Variants in SVEP1 observed in about 807,000 individuals in gnomAD.
SVEP1 encodes sushi, von Willebrand factor type A, EGF and pentraxin domain containing 1, also known as sushi, von Willebrand factor type A, EGF and pentraxin domain-containing protein 1.
In SVEP1, 164 loss-of-function variants were observed where a neutral mutation model predicts 367.3. The ratio of observed to expected loss-of-function variants is 0.45; its 90% CI spans 0.39 to 0.51. The LOEUF (loss-of-function observed/expected upper bound fraction) is 0.51, where lower values mean the gene tolerates loss of function less well. Among genes scored for constraint, SVEP1 ranks in the 20% least tolerant of loss-of-function variants. SVEP1 has a pLI of 0.00. For missense variants in SVEP1, 4,117 were observed against 4,425.3 expected (o/e 0.93, Z 1.98); for synonymous variants, 1,666 against 1,611.6 (o/e 1.03, Z -0.81).
At chr9:110,381,762 C>A (rs951624686) in intron 43 of SVEP1, among the ~76,000 whole-genome samples, 1 of 151,906 alleles carries the variant, frequency 6.6e-6, no homozygotes, top group African/African-American at 2.4e-5. Flanking sequence ...TTTTCTGTCT[C>A]GATGATCTAA....
chr9:110,537,954 T>C (rs1830098975), intron 3 of SVEP1, among the ~76,000 whole-genome samples: 1 of 151,918 alleles, frequency 6.6e-6, no homozygotes, highest in African/African-American at 2.4e-5. Context: ...GAGAGTCTCT[T>C]ATAATGGGGC....
chr9:110,559,416 CAAACA>C (rs1308068354), intron 1 of SVEP1, among the ~76,000 whole-genome samples: 1 of 151,592 alleles, frequency 6.6e-6, no homozygotes, highest in Non-Finnish European at 1.5e-5. Context: ...CATTTTTGAC[CAAACA>C]AAACAAAGAC....
At chr9:110,517,614 A>AT (rs398011845) in intron 3 of SVEP1, among the ~76,000 whole-genome samples, 1 of 150,850 alleles carries the variant, frequency 6.6e-6, no homozygotes, top group African/African-American at 2.4e-5. Flanking sequence ...AAAAAAAAAA[A>AT]TGTAAAAAAT....
chr9:110,446,970 G>T lies in SVEP1; in HGVS notation c.4191C>A (p.Thr1397=). The change falls in exon 25 of 48, where the codon ACC becomes ACA. Residue 1397 remains threonine, a synonymous_variant. Transcript: ENST00000374469. ...CQSNPCRNQA[T]CVDELNSYSC... ...TGTATGAATTTAATTCATCCACACA[G>T]GTGGCCTGATTTCTACATGGATTAG... 6.5e-7 allele frequency: 1 copy of T among 1,546,884 alleles called. No individual in the cohort carries two copies.
rs1828399556 is a variant in SVEP1, at chr9:110,434,355, T to C, written c.5040A>G (p.Gln1680=). ...GCTCACGTTCACAGTGAGGAAGTGG[T>C]TGTGTCCACTGTCCTTGATTCAGAC... ...QYCLNQGQWT[Q]PLPHCERISC... The change falls in exon 30 of 48, where the codon CAA becomes CAG. Residue 1680 remains glutamine (Q), a synonymous_variant. Coordinates refer to ENST00000374469, the MANE Select transcript of SVEP1 (RefSeq NM_153366.4). The C allele has an allele frequency of 6.2e-7, 1 of 1,609,158 alleles. No homozygotes were observed. The highest frequency in any genetic ancestry group is 1.7e-5 in the Admixed American group (1 of 59,718).
rs764785626 is a variant in SVEP1 at position 110,430,336 on chromosome 9, C to A, written c.5468G>T (p.Gly1823Val). 1.9e-6 allele frequency: 3 copies of A among 1,613,510 alleles called. No homozygotes were observed. The South Asian group carries it at 3.3e-5, about 18-fold the overall frequency. ...FSCQEGYQLM[G>V]VTKITCLESG... is the part of the protein sequence containing the mutation. Reference sequence around the variant, plus strand: ...CTCCAAACATGTGATTTTGGTTACTCCCATCAACTGGTATCCTTCCTGACA... The same window carrying A: ...CTCCAAACATGTGATTTTGGTTACTACCATCAACTGGTATCCTTCCTGACA... The change falls in exon 33 of 48, where the codon GGA (glycine) becomes GTA (valine). Residue 1823 changes from glycine (G) to valine (V), a missense_variant. Around this residue, in one of 4 missense-constraint regions of SVEP1, gnomAD observed 2,174 missense variants for 2,494.3 expected, o/e 0.87. Coordinates refer to ENST00000374469, the MANE Select transcript of SVEP1 (RefSeq NM_153366.4).
chr9:110,550,840 C>T (rs1009965833), intron 1 of SVEP1, among the ~76,000 whole-genome samples: 5 of 152,132 alleles, frequency 3.3e-5, no homozygotes, highest in African/African-American at 4.8e-5. Flanking sequence ...TCCTTCTCTA[C>T]AGATAGAATT....
intron 9 of SVEP1, among the ~76,000 whole-genome samples, chr9:110,484,869 C>G (rs1175841157): frequency 6.6e-6 from 1 of 152,124 alleles, no homozygotes; most frequent in African/African-American, 2.4e-5. Context: ...AAATGCAAAT[C>G]AAAACCACAA....
At chr9:110,525,928 T>G (rs942491056) in intron 3 of SVEP1, among the ~76,000 whole-genome samples, 1 of 152,080 alleles carries the variant, frequency 6.6e-6, no homozygotes, top group African/African-American at 2.4e-5. Context: ...GCAAAAACAA[T>G]TTAACAGAGG....
Position 110,377,274 on chromosome 9 carries a change from C to T in SVEP1, c.10501G>A (p.Glu3501Lys), listed in dbSNP as rs1827363119. The change falls in exon 45 of 48, where the codon GAA becomes AAA. Residue 3501 changes from glutamate (E) to lysine (K), a missense_variant. Physicochemically the swap from Glu to Lys is moderately conservative, Grantham distance 56. Around this residue, in one of 4 missense-constraint regions of SVEP1, gnomAD observed 1,765 missense variants for 1,781.1 expected, o/e 0.99. Transcript: ENST00000374469. ...TAAGATCTGAAGAGCAACTCACGTT[C>T]TTCACAGAGGCGCCCCATCCAGCCC... is the stretch of plus-strand genomic sequence containing the variant. ...PEGWMGRLCE[E>K]PICILPCLNG... 2 of 1,613,222 alleles carry T rather than the reference C, an allele frequency of 1.2e-6. No individual in the cohort carries two copies. The highest frequency in any genetic ancestry group is 1.1e-5 in the South Asian group (1 of 91,046).
intron 4 of SVEP1, 51 bp from the exon 5 acceptor site, chr9:110,513,156 G>T: frequency 6.7e-7 from 1 of 1,503,006 alleles, no homozygotes; most frequent in South Asian, 1.3e-5. Flanking sequence ...TTTTGTCTAT[G>T]ACATATCCTT....
At position 110,407,352 on chromosome 9, in the gene SVEP1, C is replaced by A. The variant is rs536426068; in HGVS notation, c.8248G>T (p.Ala2750Ser). 1 of 1,613,950 alleles carries A rather than the reference C, an allele frequency of 6.2e-7. No homozygotes were observed. The highest frequency in any genetic ancestry group is 8.5e-7 in the Non-Finnish European group (1 of 1,179,850). Residue 2750 changes from alanine (A) to serine (S), a missense_variant, in exon 38 of 48, where the codon GCA (alanine) becomes TCA (serine). Ala to Ser is a moderately conservative substitution (Grantham distance 99, BLOSUM62 1). Coordinates refer to ENST00000374469, the MANE Select transcript of SVEP1 (RefSeq NM_153366.4). ...QYSCKPGHIL[A>S]GSDLRLCLEN... is the part of the protein sequence containing the mutation. ...AGACAAAGCCTTAAGTCAGAGCCTG[C>A]TAGAATGTGTCCAGGTTTACAGCTA...
intron 33 of SVEP1, 102 bp from the exon 34 acceptor site, chr9:110,430,106 T>C: frequency 7.8e-7 from 1 of 1,286,032 alleles, no homozygotes; most frequent in Non-Finnish European, 1.0e-6. Context: ...TTGTTTGTTT[T>C]CTTTTTTTTT....
At chr9:110,552,594 G>T (rs1830304004) in intron 1 of SVEP1, among the ~76,000 whole-genome samples, 1 of 152,020 alleles carries the variant, frequency 6.6e-6, no homozygotes, top group African/African-American at 2.4e-5. Context: ...TGGGAGTGAT[G>T]GGAGACAGGG....
chr9:110,385,975 C>T lies in SVEP1; in HGVS notation c.10160G>A (p.Gly3387Asp). ...DQNVSIKCRE[G>D]FLLQGHGIIT... ...GATGCCGTGGCCCTGCAGCAGAAAA[C>T]CTTCCCTACATTTGATGGACACATT... The change falls in exon 43 of 48, where the codon GGT (glycine) becomes GAT (aspartate). Residue 3387 changes from glycine to aspartate, a missense_variant. Gly to Asp is a moderately conservative substitution (Grantham distance 94, BLOSUM62 -1). Around this residue, in one of 4 missense-constraint regions of SVEP1, gnomAD observed 1,765 missense variants for 1,781.1 expected, o/e 0.99. Coordinates refer to ENST00000374469, the MANE Select transcript of SVEP1 (RefSeq NM_153366.4). The T allele has an allele frequency of 3.1e-6, 5 of 1,613,928 alleles. No homozygotes were observed. Among genetic ancestry groups the T allele is most frequent in the Admixed American group, 1.7e-5 (1 of 60,020 alleles).
chr9:110,471,594 C>T lies in SVEP1; in HGVS notation c.2768G>A (p.Ser923Asn), dbSNP rs1162738786. Residue 923 changes from serine to asparagine, a missense_variant, in exon 16 of 48, where the codon AGT (serine) becomes AAT (asparagine). Around this residue, in one of 4 missense-constraint regions of SVEP1, gnomAD observed 2,174 missense variants for 2,494.3 expected, o/e 0.87. Coordinates refer to ENST00000374469, the MANE Select transcript of SVEP1 (RefSeq NM_153366.4). The part of the protein sequence containing the change: ...KIKLIFNITA[S>N]VPLPDERNDT... ...ATTTCTTTCATCGGGTAATGGCACA[C>T]TAGCTGAGATAAAAACAAAATAAAA... 6.2e-7 allele frequency: 1 copy of T among 1,611,186 alleles called. No individual in the cohort carries two copies. The highest frequency in any genetic ancestry group is 1.7e-5 in the Admixed American group (1 of 59,698).
At chr9:110,504,821 T>C (rs1230524256) in intron 5 of SVEP1, among the ~76,000 whole-genome samples, 5 of 152,196 alleles carry the variant, frequency 3.3e-5, no homozygotes. Context: ...CCATTAACTC[T>C]TCCTTTGTTA....
intron 30 of SVEP1, 48 bp from the exon 31 acceptor site, chr9:110,432,683 C>A (rs1216899148): frequency 1.3e-6 from 2 of 1,548,990 alleles, no homozygotes; most frequent in South Asian, 2.5e-5. Context: ...GCAAAATACT[C>A]CAAGAACACT....
chr9:110,393,557 G>C (rs557893223), intron 40 of SVEP1, among the ~76,000 whole-genome samples: 31 of 152,282 alleles, frequency 2.0e-4, no homozygotes, highest in African/African-American at 7.2e-4. Flanking sequence ...AGCAGAATGA[G>C]GCATCGCCTC....
Sources: allele counts gnomAD v4.1 joint callset (sites outside exome capture counted in the v4.1 genomes callset), GRCh38; gene constraint gnomAD v4.1.1; regional missense constraint gnomAD v4.1.1; transcripts MANE v1.5; gene names NCBI Gene and HGNC (gene_info 2026-07-23, HGNC 2026-07-21).